Variants in TTC7B observed in about 807,000 individuals in gnomAD.
TTC7B encodes tetratricopeptide repeat domain 7B, also known as tetratricopeptide repeat protein 7B.
A neutral mutation model predicts 106.8 loss-of-function variants in TTC7B; 28 were observed. The observed-to-expected ratio is 0.26, with a 90% confidence interval of 0.19 to 0.36. The LOEUF (loss-of-function observed/expected upper bound fraction) is 0.36, where lower values mean the gene tolerates loss of function less well. Among genes scored for constraint, TTC7B ranks in the 10% least tolerant of loss-of-function variants. The pLI, the probability that TTC7B is intolerant of heterozygous loss-of-function variation, is 1.00. For synonymous variants in TTC7B, 405 were observed against 430.6 expected (o/e 0.94, Z 0.74); for missense variants, 862 against 1,076.4 (o/e 0.80, Z 2.79).
intron 3 of TTC7B, among the ~76,000 whole-genome samples, chr14:90,778,242 C>T (rs1160222663): frequency 2.0e-5 from 3 of 152,156 alleles, no homozygotes; most frequent in Non-Finnish European, 2.9e-5. Context: ...GCCAGGTCTC[C>T]CGTGAGCCAG....
chr14:90,736,149 G>GATATATATATATATATATATATAT (rs1491562027), intron 4 of TTC7B, among the ~76,000 whole-genome samples: 2 of 146,232 alleles, frequency 1.4e-5, no homozygotes, highest in African/African-American at 5.2e-5. Flanking sequence ...TTAATTTAGA[G>GATATATATATATATATATATATAT]CTATATATAT....
At chr14:90,777,746 C>T (rs142673020) in intron 3 of TTC7B, among the ~76,000 whole-genome samples, 2 of 152,172 alleles carry the variant, frequency 1.3e-5, no homozygotes, top group African/African-American at 4.8e-5. Context: ...GGACTGAGGG[C>T]CTCTTGAACT....
At chr14:90,593,389 C>G (rs1419402347) in intron 18 of TTC7B, 97 bp downstream of exon 18, 2 of 1,458,706 alleles carry the variant, frequency 1.4e-6, no homozygotes, top group Non-Finnish European at 1.8e-6. Context: ...GTGGGCTAAA[C>G]AGACAAGCGC....
In TTC7B at chr14:90,549,631, G is replaced by A. The variant is rs567750319; in HGVS notation, c.2311-8042C>T. Among the ~76,000 whole-genome samples, 9 of 152,290 alleles carry A rather than the reference G, an allele frequency of 5.9e-5. No individual in the cohort carries two copies. In the South Asian group the frequency reaches 1.0e-3, roughly 18 times the overall value. Reference sequence around the variant, plus strand: ...CTGGCTGGCCACAGGGGAGGGGCACGTTGCTCTCTGGGACAGTGGAGTGTG... The same window carrying A: ...CTGGCTGGCCACAGGGGAGGGGCACATTGCTCTCTGGGACAGTGGAGTGTG... On this transcript the variant is annotated intron_variant, in intron 19 of 19. Coordinates refer to ENST00000328459, the MANE Select transcript of TTC7B (RefSeq NM_001010854.2).
In TTC7B at chr14:90,689,633, G is replaced by C; in HGVS notation, c.857C>G (p.Pro286Arg). 2 of 1,614,076 alleles carry C rather than the reference G, an allele frequency of 1.2e-6. No individual in the cohort carries two copies. Among genetic ancestry groups the C allele is most frequent in the Non-Finnish European group, 1.7e-6 (2 of 1,179,996 alleles). The change falls in exon 7 of 20, where the codon CCG becomes CGG. Residue 286 changes from proline to arginine, a missense_variant. Physicochemically the swap from Pro to Arg is moderately radical, Grantham distance 103. Transcript: ENST00000328459. ...AGGATCGTCCAGAGGTGACTGGCAC[G>C]GTGGATCCTCCAGAGGGTTCCAGTA... The part of the protein sequence containing the change: ...QSYWNPLEDP[P>R]CQSPLDDPLR...
At chr14:90,633,531 A>C (rs1021890318) in intron 15 of TTC7B, among the ~76,000 whole-genome samples, 1 of 152,218 alleles carries the variant, frequency 6.6e-6, no homozygotes, top group Non-Finnish European at 1.5e-5. Context: ...AAGACAAAAA[A>C]CAACAAACTG....
At chr14:90,793,524 C>A (rs1178354099) in intron 1 of TTC7B, among the ~76,000 whole-genome samples, 104 of 128,434 alleles carry the variant, frequency 8.1e-4, no homozygotes, top group Non-Finnish European at 8.4e-4. Flanking sequence ...GACTCTGTCT[C>A]AAAAAAAAAA....
intron 5 of TTC7B, among the ~76,000 whole-genome samples, chr14:90,717,247 G>A (rs1888693152): frequency 6.6e-6 from 1 of 151,920 alleles, no homozygotes; most frequent in East Asian, 1.9e-4. Flanking sequence ...GCTGAGGCAG[G>A]AGAATGGCGT....
chr14:90,701,557 C>T, intron 5 of TTC7B, among the ~76,000 whole-genome samples: 1 of 152,026 alleles, frequency 6.6e-6, no homozygotes, highest in Non-Finnish European at 1.5e-5. Flanking sequence ...TGCCCTTCAC[C>T]TGTCCCCTCC....
chr14:90,707,770 G>A (rs1446094454), intron 5 of TTC7B, among the ~76,000 whole-genome samples: 1 of 152,212 alleles, frequency 6.6e-6, no homozygotes, highest in Non-Finnish European at 1.5e-5. Flanking sequence ...GCTGAGAGAG[G>A]TGAAGAAGAT....
At chr14:90,812,715 T>C (rs190309241) in intron 1 of TTC7B, among the ~76,000 whole-genome samples, 12 of 152,210 alleles carry the variant, frequency 7.9e-5, no homozygotes, top group Admixed American at 6.5e-5. Context: ...TTTGGGTTTT[T>C]TGAGATGGTG....
At chr14:90,641,200 T>C (rs1885154709) in intron 15 of TTC7B, among the ~76,000 whole-genome samples, 1 of 152,212 alleles carries the variant, frequency 6.6e-6, no homozygotes, top group Non-Finnish European at 1.5e-5. Context: ...TTATTCAAAG[T>C]ACTTAAACAG....
intron 4 of TTC7B, among the ~76,000 whole-genome samples, chr14:90,732,223 AC>A (rs1438681093): frequency 3.3e-5 from 5 of 152,226 alleles, no homozygotes; most frequent in African/African-American, 1.2e-4. Flanking sequence ...CCAAAGTTAC[AC>A]TTTAGAAAGT....
intron 14 of TTC7B, among the ~76,000 whole-genome samples, chr14:90,646,341 C>T (rs1480951697): frequency 1.3e-5 from 2 of 152,100 alleles, no homozygotes; most frequent in African/African-American, 2.4e-5. Context: ...AGGAGGGTTT[C>T]GGGAATGGCA....
intron 11 of TTC7B, among the ~76,000 whole-genome samples, chr14:90,656,401 C>T (rs915723719): frequency 1.3e-5 from 2 of 152,136 alleles, no homozygotes; most frequent in Non-Finnish European, 2.9e-5. Context: ...ACTGAGTTTT[C>T]TATTTTCTAC....
intron 1 of TTC7B, among the ~76,000 whole-genome samples, chr14:90,813,095 T>A (rs1010004464): frequency 2.0e-5 from 3 of 152,174 alleles, no homozygotes; most frequent in African/African-American, 7.2e-5. Context: ...TTTCTACCCA[T>A]GAAGTTCCCT....
intron 3 of TTC7B, among the ~76,000 whole-genome samples, chr14:90,763,402 C>T (rs942499980): frequency 2.0e-5 from 3 of 152,100 alleles, no homozygotes; most frequent in African/African-American, 4.8e-5. Context: ...TCTATGAAAA[C>T]GCCACTGCTA....
chr14:90,685,809 C>T (rs550969605), intron 7 of TTC7B, among the ~76,000 whole-genome samples: 1 of 151,890 alleles, frequency 6.6e-6, no homozygotes, highest in Non-Finnish European at 1.5e-5. Context: ...ATAGAAAATA[C>T]AAATAGACCT....
At chr14:90,723,190 A>G (rs575243250) in intron 5 of TTC7B, among the ~76,000 whole-genome samples, 1 of 152,250 alleles carries the variant, frequency 6.6e-6, no homozygotes, top group Admixed American at 6.5e-5. Context: ...GAAACTGGGG[A>G]GTCATCTCTG....
Sources: gnomAD v4.1 joint callset for allele counts (sites outside exome capture counted in the v4.1 genomes callset) on GRCh38, gnomAD v4.1.1 for gene constraint, MANE v1.5 for transcripts, NCBI Gene and HGNC (gene_info 2026-07-23, HGNC 2026-07-21) for gene names.